The following SREK1IP1 variants were observed in gnomAD, a reference collection of about 807,000 sequenced individuals.
SREK1IP1 encodes SREK1 interacting protein 1, also known as protein SREK1IP1.
SREK1IP1 carries 12 observed loss-of-function variants against 22.8 expected under a neutral mutation model. The ratio of observed to expected loss-of-function variants is 0.53; its 90% confidence interval spans 0.34 to 0.85. The LOEUF (loss-of-function observed/expected upper bound fraction) is 0.85. Among genes scored for constraint, SREK1IP1 ranks in the 40% least tolerant of loss-of-function variants. The pLI is 0.02. For synonymous variants in SREK1IP1, 53 were observed against 52.7 expected (o/e 1.01, Z -0.02); for missense variants, 147 against 171.8 (o/e 0.86, Z 0.81).
chr5:64,745,024 C>T (rs1742610020), intron 2 of SREK1IP1, among the ~76,000 whole-genome samples: 1 of 152,160 alleles, frequency 6.6e-6, no homozygotes, highest in Admixed American at 6.5e-5. Flanking sequence ...GCCATACTGC[C>T]ATCCCCAGGG....
intron 3 of SREK1IP1, among the ~76,000 whole-genome samples, chr5:64,739,399 AG>A (rs1443770440): frequency 1.3e-5 from 2 of 152,100 alleles, no homozygotes; most frequent in Non-Finnish European, 2.9e-5. Flanking sequence ...CTGACTTCAT[AG>A]GGGAAGGGAA....
intron 3 of SREK1IP1, among the ~76,000 whole-genome samples, chr5:64,735,054 T>C (rs1370548401): frequency 6.6e-6 from 1 of 152,064 alleles, no homozygotes; most frequent in Non-Finnish European, 1.5e-5. Flanking sequence ...TTTATAGATT[T>C]TGTATGAAGT....
At chr5:64,759,736 AC>A (rs139462616) in intron 1 of SREK1IP1, among the ~76,000 whole-genome samples, 1,709 of 152,302 alleles carry the variant, frequency 0.011, 32 homozygotes, top group African/African-American at 0.039. Flanking sequence ...TGACTCTCAA[AC>A]ATGTGGAGAT....
intron 1 of SREK1IP1, among the ~76,000 whole-genome samples, chr5:64,760,417 A>G (rs1395638391): frequency 6.6e-6 from 1 of 152,188 alleles, no homozygotes; most frequent in Non-Finnish European, 1.5e-5. Context: ...GTGGGGGGAA[A>G]GTCTCTTGAG....
At chr5:64,726,770 A>C (rs924640656) in intron 4 of SREK1IP1, among the ~76,000 whole-genome samples, 3 of 152,160 alleles carry the variant, frequency 2.0e-5, no homozygotes, top group African/African-American at 7.2e-5. Context: ...TCTAACACAA[A>C]GCCTATTTTA....
Position 64,721,739 on chromosome 5 carries a change from A to T in SREK1IP1, c.*2645T>A, listed in dbSNP as rs1254267751. ...TAGGTTGTAAGAATATGAACCAAATATCAATTATCTGCTTGAAGAAGTTGA... is the reference window on the plus strand; with the variant it reads ...TAGGTTGTAAGAATATGAACCAAATTTCAATTATCTGCTTGAAGAAGTTGA... On this transcript the variant is annotated 3_prime_UTR_variant, in exon 5 of 5. Coordinates refer to ENST00000513458, the MANE Select transcript of SREK1IP1 (RefSeq NM_173829.4). The T allele has an allele frequency of 6.6e-6, 1 of 152,216 alleles. No homozygotes were observed. The highest frequency in any genetic ancestry group is 2.4e-5 in the African/African-American group (1 of 41,470). 9.4% of individuals were successfully genotyped at this position (152,216 alleles called of 1,614,324 possible).
chr5:64,754,466 TC>T, intron 1 of SREK1IP1, 104 bp from the exon 2 acceptor site: 1 of 1,201,518 alleles, frequency 8.3e-7, no homozygotes, highest in Non-Finnish European at 1.2e-6. Context: ...TTATAGAATT[TC>T]TTTTTTTTTG....
intron 1 of SREK1IP1, among the ~76,000 whole-genome samples, chr5:64,756,633 C>CT (rs1015747477): frequency 1.0e-4 from 15 of 147,510 alleles, no homozygotes; most frequent in South Asian, 6.4e-4. Context: ...TTTCCTTTTC[C>CT]TTTTTTTTTT....
chr5:64,749,604 T>C (rs1243593277), intron 2 of SREK1IP1, among the ~76,000 whole-genome samples: 1 of 151,926 alleles, frequency 6.6e-6, no homozygotes, highest in African/African-American at 2.4e-5. Flanking sequence ...GCCTGGCTAG[T>C]TTTTTTGTTT....
chr5:64,719,748 A>G lies in SREK1IP1; in HGVS notation c.*4636T>C, dbSNP rs926766309. On this transcript the variant is annotated 3_prime_UTR_variant, in exon 5 of 5. Coordinates refer to ENST00000513458, the MANE Select transcript of SREK1IP1 (RefSeq NM_173829.4). ...AGTGGGGTCAGGCATGACTGGATGCATCATGGGTTGTGCTATAGAAGAGGC... is the reference window on the plus strand; with the variant it reads ...AGTGGGGTCAGGCATGACTGGATGCGTCATGGGTTGTGCTATAGAAGAGGC... The G allele has an allele frequency of 3.3e-5, 5 of 152,238 alleles. No homozygotes were observed. Among genetic ancestry groups the G allele is most frequent in the Non-Finnish European group, 7.3e-5 (5 of 68,058 alleles). The allele number at this position is 152,238 out of a possible 1,614,324, so 9.4% of individuals were successfully genotyped here.
chr5:64,746,098 G>A (rs950343955), intron 2 of SREK1IP1, among the ~76,000 whole-genome samples: 2 of 152,174 alleles, frequency 1.3e-5, no homozygotes, highest in Non-Finnish European at 2.9e-5. Flanking sequence ...GTTTTAGCAA[G>A]AGTGAAAGTC....
At chr5:64,727,551 A>ATTTTTT (rs1298889800) in intron 4 of SREK1IP1, 1 of 98,558 alleles carries the variant, frequency 1.0e-5, no homozygotes, top group African/African-American at 5.5e-5. Flanking sequence ...ATATATATAT[A>ATTTTTT]TATTTTTTTT....
chr5:64,728,566 G>A (rs1203279729), intron 3 of SREK1IP1, among the ~76,000 whole-genome samples: 1 of 152,028 alleles, frequency 6.6e-6, no homozygotes, highest in Non-Finnish European at 1.5e-5. Context: ...TCTCTAACTT[G>A]TTTTTTAAAT....
At chr5:64,751,195 C>A (rs1742734138) in intron 2 of SREK1IP1, among the ~76,000 whole-genome samples, 1 of 152,170 alleles carries the variant, frequency 6.6e-6, no homozygotes, top group South Asian at 2.1e-4. Context: ...CCCCCACATC[C>A]TTTGGCTAAT....
At chr5:64,753,214 C>A (rs1742779233) in intron 2 of SREK1IP1, among the ~76,000 whole-genome samples, 1 of 152,044 alleles carries the variant, frequency 6.6e-6, no homozygotes, top group South Asian at 2.1e-4. Context: ...GAAATCCATT[C>A]CAGATTTTGA....
chr5:64,747,316 G>T (rs1389082111), intron 2 of SREK1IP1, among the ~76,000 whole-genome samples: 1 of 152,034 alleles, frequency 6.6e-6, no homozygotes, highest in Non-Finnish European at 1.5e-5. Context: ...TGTTCCTCTG[G>T]CAAATGGCCT....
intron 1 of SREK1IP1, among the ~76,000 whole-genome samples, chr5:64,758,449 C>T (rs1455989492): frequency 6.6e-6 from 1 of 152,098 alleles, no homozygotes; most frequent in African/African-American, 2.4e-5. Flanking sequence ...CCTGTAAACC[C>T]TGTCATAGTT....
intron 3 of SREK1IP1, 148 bp downstream of exon 3, chr5:64,740,909 A>G (rs1742540699): frequency 1.4e-6 from 1 of 693,734 alleles, no homozygotes; most frequent in Admixed American, 3.3e-5. Flanking sequence ...TCTTAGGCAA[A>G]TAACTTACAA....
intron 1 of SREK1IP1, among the ~76,000 whole-genome samples, chr5:64,764,576 G>A (rs939794803): frequency 7.2e-5 from 11 of 152,146 alleles, no homozygotes; most frequent in African/African-American, 2.4e-4. Context: ...CTGCATTCTC[G>A]CAGAGAGAGA....
Sources: allele counts gnomAD v4.1 joint callset (sites outside exome capture counted in the v4.1 genomes callset), GRCh38; gene constraint gnomAD v4.1.1; transcripts MANE v1.5; gene names NCBI Gene and HGNC (gene_info 2026-07-23, HGNC 2026-07-21).